The following GRIA4 variants were observed in gnomAD, a reference collection of about 807,000 sequenced individuals.
GRIA4 encodes the protein glutamate ionotropic receptor AMPA type subunit 4, also known as glutamate receptor 4.
GRIA4 carries 34 observed loss-of-function variants against 104.0 expected under a neutral mutation model. The ratio of observed to expected loss-of-function variants is 0.33; its 90% CI spans 0.25 to 0.44. The LOEUF (loss-of-function observed/expected upper bound fraction) is 0.44, where lower values mean the gene tolerates loss of function less well. GRIA4 is among the 20% of genes least tolerant of loss of function. GRIA4 has a pLI of 1.00. For missense variants in GRIA4, 750 were observed against 1,096.5 expected (o/e 0.68, Z 4.46); for synonymous variants, 386 against 381.9 (o/e 1.01, Z -0.13).
At chr11:105,855,394 A>G (rs1434326417) in intron 4 of GRIA4, among the ~76,000 whole-genome samples, 3 of 152,160 alleles carry the variant, frequency 2.0e-5, no homozygotes, top group South Asian at 4.1e-4. Context: ...TAAAAATACA[A>G]TGGTTGTTTT....
At chr11:105,813,943 A>C (rs922133220) in intron 4 of GRIA4, among the ~76,000 whole-genome samples, 16 of 152,218 alleles carry the variant, frequency 1.1e-4, no homozygotes, top group African/African-American at 3.9e-4. Flanking sequence ...CCTGTCTTTC[A>C]GGTGATATTT....
At chr11:105,729,870 G>T (rs1938475812) in intron 3 of GRIA4, among the ~76,000 whole-genome samples, 1 of 152,056 alleles carries the variant, frequency 6.6e-6, no homozygotes, top group African/African-American at 2.4e-5. Context: ...AAAATAATAA[G>T]AACATGTCTG....
intron 12 of GRIA4, among the ~76,000 whole-genome samples, chr11:105,926,024 AG>A (rs1947693587): frequency 6.6e-6 from 1 of 152,038 alleles, no homozygotes; most frequent in African/African-American, 2.4e-5. Flanking sequence ...GTGAAAAGAG[AG>A]AAAATCGTAT....
chr11:105,652,590 G>C (rs1165855137), intron 3 of GRIA4, among the ~76,000 whole-genome samples: 1 of 152,144 alleles, frequency 6.6e-6, no homozygotes, highest in African/African-American at 2.4e-5. Context: ...AGAGCTTTCT[G>C]CCTCTTCATT....
chr11:105,667,109 C>T (rs886477810), intron 3 of GRIA4, among the ~76,000 whole-genome samples: 2 of 151,976 alleles, frequency 1.3e-5, no homozygotes, highest in South Asian at 4.1e-4. Flanking sequence ...ATTCTGTGGA[C>T]AAGATAATTC....
At chr11:105,928,831 T>C (rs528701663) in intron 13 of GRIA4, among the ~76,000 whole-genome samples, 2 of 152,186 alleles carry the variant, frequency 1.3e-5, no homozygotes, top group African/African-American at 4.8e-5. Context: ...TTTATAAAGT[T>C]ACAAATGCTT....
chr11:105,966,511 TA>T (rs1332241479), intron 14 of GRIA4, among the ~76,000 whole-genome samples: 3 of 152,064 alleles, frequency 2.0e-5, no homozygotes, highest in Non-Finnish European at 4.4e-5. Context: ...GGGTGCCCAC[TA>T]AAAAGTTTTC....
intron 3 of GRIA4, among the ~76,000 whole-genome samples, chr11:105,690,806 A>G (rs959464078): frequency 6.6e-6 from 1 of 152,090 alleles, no homozygotes; most frequent in Non-Finnish European, 1.5e-5. Context: ...TTTTTTTTAA[A>G]TTCACATTTC....
chr11:105,931,868 C>A (rs1175717872), intron 13 of GRIA4, among the ~76,000 whole-genome samples: 1 of 152,058 alleles, frequency 6.6e-6, no homozygotes, highest in African/African-American at 2.4e-5. Context: ...TCATTTATTT[C>A]TTTGTCCACC....
chr11:105,840,693 C>G (rs1357857901), intron 4 of GRIA4, among the ~76,000 whole-genome samples: 1 of 152,146 alleles, frequency 6.6e-6, no homozygotes, highest in Admixed American at 6.5e-5. Context: ...TTTCAGAATT[C>G]CCTCTTTAAC....
intron 3 of GRIA4, among the ~76,000 whole-genome samples, chr11:105,668,331 A>G (rs1591532507): frequency 6.7e-6 from 1 of 148,184 alleles, no homozygotes; most frequent in East Asian, 1.9e-4. Context: ...ATTATTCACT[A>G]TATGAATAGT....
intron 3 of GRIA4, among the ~76,000 whole-genome samples, chr11:105,711,297 G>T (rs1380745542): frequency 6.6e-6 from 1 of 151,846 alleles, no homozygotes; most frequent in Non-Finnish European, 1.5e-5. Flanking sequence ...AGAGGGGAGG[G>T]ATAGCATTAG....
chr11:105,946,228 C>G (rs1348692924), intron 14 of GRIA4, among the ~76,000 whole-genome samples: 1 of 152,128 alleles, frequency 6.6e-6, no homozygotes, highest in Non-Finnish European at 1.5e-5. Flanking sequence ...TATTTCCTGA[C>G]TTTGGTATTC....
At chr11:105,780,132 T>C (rs1392629084) in intron 4 of GRIA4, among the ~76,000 whole-genome samples, 1 of 152,178 alleles carries the variant, frequency 6.6e-6, no homozygotes, top group East Asian at 1.9e-4. Context: ...AGCCCTATTT[T>C]CGTTACCTAA....
chr11:105,794,504 T>C lies in GRIA4; in HGVS notation c.487+41284T>C, dbSNP rs866169451. On this transcript the variant is annotated intron_variant, in intron 4 of 16. Coordinates refer to ENST00000282499, the MANE Select transcript of GRIA4 (RefSeq NM_000829.4). ...ATATATATATATATATATATATATA[T>C]ATATATATACATATACACACACACA... Among the ~76,000 whole-genome samples the C allele has an allele frequency of 4.5e-4, 55 of 122,202 alleles. 2 individuals carry two copies. The highest frequency in any genetic ancestry group is 1.8e-3 in the African/African-American group (54 of 30,470). 80.2% of individuals were successfully genotyped at this position (122,202 alleles called of 152,430 possible). A position where few individuals can be genotyped will look rare whatever the true frequency, so the allele number is the denominator to read the frequency against.
At chr11:105,792,644 A>G (rs1432375302) in intron 4 of GRIA4, among the ~76,000 whole-genome samples, 1 of 152,104 alleles carries the variant, frequency 6.6e-6, no homozygotes, top group Non-Finnish European at 1.5e-5. Context: ...ACCTGAAGAT[A>G]TTTGCTTATT....
intron 16 of GRIA4, among the ~76,000 whole-genome samples, chr11:105,978,258 T>G (rs899860783): frequency 1.3e-5 from 2 of 152,100 alleles, no homozygotes; most frequent in Admixed American, 1.3e-4. Context: ...AACGGACTAA[T>G]AGAAGATAAT....
intron 10 of GRIA4, among the ~76,000 whole-genome samples, chr11:105,915,903 G>C (rs1947389861): frequency 6.6e-6 from 1 of 152,128 alleles, no homozygotes; most frequent in South Asian, 2.1e-4. Flanking sequence ...TGTAGGGTCG[G>C]CCAAACTCAG....
intron 14 of GRIA4, among the ~76,000 whole-genome samples, chr11:105,964,805 G>C (rs3016266): frequency 7.1e-6 from 1 of 141,410 alleles, no homozygotes; most frequent in East Asian, 2.0e-4. Context: ...TTTTTTTTTT[G>C]TTTGTTTGTT....
Sources: allele counts gnomAD v4.1 joint callset (sites outside exome capture counted in the v4.1 genomes callset), GRCh38; gene constraint gnomAD v4.1.1; transcripts MANE v1.5; gene names NCBI Gene and HGNC (gene_info 2026-07-23, HGNC 2026-07-21).